PITPNM3: variants seen among roughly 807,000 people sequenced by gnomAD.
PITPNM3 encodes PITPNM family member 3, also known as membrane-associated phosphatidylinositol transfer protein 3.
In PITPNM3, 26 loss-of-function variants were observed where a neutral mutation model predicts 102.0. The ratio of observed to expected loss-of-function variants is 0.25; its 90% CI spans 0.19 to 0.35. PITPNM3 has a LOEUF of 0.35. Ranked by LOEUF, PITPNM3 falls within the 10% of genes least tolerant of loss-of-function variation. The pLI, the probability that PITPNM3 is intolerant of heterozygous loss-of-function variation, is 1.00. For missense variants in PITPNM3, 1,083 were observed against 1,346.1 expected, an observed-to-expected ratio of 0.80 and a Z score of 3.06; for synonymous variants, 578 against 558.6, an observed-to-expected ratio of 1.03 and a Z score of -0.49.
At chr17:6,500,137 C>T (rs1480165666) in intron 4 of PITPNM3, among the ~76,000 whole-genome samples, 1 of 152,176 alleles carries the variant, frequency 6.6e-6, no homozygotes, top group Admixed American at 6.5e-5. Context: ...GAGTGTCAAA[C>T]CCAGGCCTTT....
At position 6,537,034 on chromosome 17, in the gene PITPNM3, G is replaced by A. The variant is rs1909474233; in HGVS notation, c.118+953C>T. Among the ~76,000 whole-genome samples, 1 of 152,144 alleles carries A rather than the reference G, an allele frequency of 6.6e-6. No homozygotes were observed. On this transcript the variant is annotated intron_variant, in intron 2 of 19. Coordinates refer to ENST00000262483, the MANE Select transcript of PITPNM3 (RefSeq NM_031220.4). The surrounding 1 kb of genome is among the most constrained non-coding windows in gnomAD (Gnocchi z 4.4). ...CACCTGCCTGGGTACTCGTGCCTCT[G>A]AGCCTTCAAGGCTGATCTCTGCCTG...
chr17:6,499,922 G>A (rs896224392), intron 4 of PITPNM3, among the ~76,000 whole-genome samples: 5 of 152,048 alleles, frequency 3.3e-5, no homozygotes, highest in Admixed American at 6.6e-5. Flanking sequence ...GTAGAGATGC[G>A]GCTTCACCGT....
intron 9 of PITPNM3, 120 bp from the exon 10 acceptor site, chr17:6,474,724 G>C (rs1255748680): frequency 7.8e-7 from 1 of 1,278,602 alleles, no homozygotes; most frequent in African/African-American, 1.5e-5. Flanking sequence ...CCATCTCTGG[G>C]GCGGGGCTGA....
In PITPNM3 at chr17:6,477,065, C is replaced by G. The variant is rs766885445; in HGVS notation, c.1049G>C (p.Cys350Ser). The G allele has an allele frequency of 6.2e-7, 1 of 1,614,188 alleles. No homozygotes were observed. The highest frequency in any genetic ancestry group is 1.3e-5 in the African/African-American group (1 of 75,036). The change falls in exon 9 of 20, where the codon TGC becomes TCC. Residue 350 changes from cysteine to serine, a missense_variant. By Grantham distance (112) the Cys-to-Ser change is moderately radical. Coordinates refer to ENST00000262483, the MANE Select transcript of PITPNM3 (RefSeq NM_031220.4). Reference sequence around the variant, plus strand: ...GGCATGGTGCTGGGTGATGGCCTCGCAGTCATAGGTGGAGGAGTCGCTCTG... The same window carrying G: ...GGCATGGTGCTGGGTGATGGCCTCGGAGTCATAGGTGGAGGAGTCGCTCTG... ...RKQSDSSTYD[C>S]EAITQHHAFL...
chr17:6,542,123 T>C (rs989076381), intron 1 of PITPNM3, among the ~76,000 whole-genome samples: 1 of 152,198 alleles, frequency 6.6e-6, no homozygotes, highest in Non-Finnish European at 1.5e-5. Flanking sequence ...TCTGGCCAGC[T>C]GGGCAAGGGG....
intron 8 of PITPNM3, 84 bp downstream of exon 8, chr17:6,477,891 G>A (rs781168739): frequency 7.4e-5 from 118 of 1,591,642 alleles, no homozygotes; most frequent in Non-Finnish European, 9.0e-5. Context: ...TGGTGCCAAC[G>A]TGAAGAACCA....
At position 6,478,121 on chromosome 17, in the gene PITPNM3, G is replaced by T; in HGVS notation, c.778-24C>A. 6.2e-7 allele frequency: 1 copy of T among 1,612,074 alleles called. No individual in the cohort carries two copies. On this transcript the variant is annotated intron_variant, in intron 7 of 19. Transcript: ENST00000262483. The surrounding 1 kb of genome is among the most constrained non-coding windows in gnomAD (Gnocchi z 4.4). ...ACCTGGAAGAGATGCAGCTGGGACT[G>T]CAGGCCTGCCCACTGCTGACCCCTC...
intron 2 of PITPNM3, among the ~76,000 whole-genome samples, chr17:6,535,801 T>C (rs1909383647): frequency 2.0e-5 from 3 of 151,828 alleles, no homozygotes; most frequent in East Asian, 3.9e-4. Flanking sequence ...TGCCTGCCTG[T>C]AATCCCAGCA....
chr17:6,468,465 GC>G lies in PITPNM3; in HGVS notation c.1774-125del, dbSNP rs1904898767. 2 of 942,340 alleles carry G rather than the reference GC, an allele frequency of 2.1e-6. No individual in the cohort carries two copies. The highest frequency in any genetic ancestry group is 4.8e-5 in the East Asian group (2 of 41,340). 58.4% of individuals were successfully genotyped at this position (942,340 alleles called of 1,614,324 possible). On this transcript the variant is annotated intron_variant, in intron 13 of 19. Transcript: ENST00000262483. This position sits in a 1 kb window ranked among gnomAD's most constrained non-coding sequence, Gnocchi z 5.2. ...GCCCCTGCAACCCCCCAACCTCACA[GC>G]CTGGAACCGTCAGGAGGCCGCAGAC...
chr17:6,522,047 G>A (rs1282249424), intron 3 of PITPNM3, among the ~76,000 whole-genome samples: 1 of 152,102 alleles, frequency 6.6e-6, no homozygotes, highest in Non-Finnish European at 1.5e-5. Flanking sequence ...TGGGTGTAGG[G>A]TCTAAATTTA....
intron 3 of PITPNM3, among the ~76,000 whole-genome samples, chr17:6,521,936 A>C (rs1235564541): frequency 1.3e-5 from 2 of 152,192 alleles, no homozygotes; most frequent in Non-Finnish European, 2.9e-5. Flanking sequence ...AGGAACTTAC[A>C]AAAAGAACCT....
chr17:6,547,561 C>T lies in PITPNM3; in HGVS notation c.22+8824G>A, dbSNP rs568046565. Among the ~76,000 whole-genome samples, 3 of 152,194 alleles carry T rather than the reference C, an allele frequency of 2.0e-5. No homozygotes were observed. The East Asian group carries it at 5.8e-4, about 30-fold the overall frequency. On this transcript the variant is annotated intron_variant, in intron 1 of 19. Coordinates refer to ENST00000262483, the MANE Select transcript of PITPNM3 (RefSeq NM_031220.4). ...AACAGGCTCTGCCACCTGCAGGCTC[C>T]CCAGGAGGGCAGCCCGAAAGACAGG...
chr17:6,492,173 C>T (rs1027665978), intron 4 of PITPNM3, among the ~76,000 whole-genome samples: 10 of 150,250 alleles, frequency 6.7e-5, no homozygotes, highest in Non-Finnish European at 1.5e-4. Context: ...CAGCAATTCT[C>T]TTGCCTCAGC....
intron 1 of PITPNM3, among the ~76,000 whole-genome samples, chr17:6,544,697 C>T (rs2150673961): frequency 6.6e-6 from 1 of 151,500 alleles, no homozygotes; most frequent in South Asian, 2.1e-4. Context: ...CATACACATA[C>T]ACGAGAACAG....
intron 3 of PITPNM3, among the ~76,000 whole-genome samples, chr17:6,513,004 C>T (rs1402380525): frequency 6.6e-6 from 1 of 150,948 alleles, no homozygotes; most frequent in East Asian, 1.9e-4. Context: ...GAAAATCAAT[C>T]GATGTAACGT....
intron 4 of PITPNM3, among the ~76,000 whole-genome samples, chr17:6,484,855 C>A (rs1426932808): frequency 6.6e-6 from 1 of 152,214 alleles, no homozygotes; most frequent in Non-Finnish European, 1.5e-5. Flanking sequence ...ACCGTGCAGT[C>A]CGTGAGGGTC....
chr17:6,467,042 G>A (rs151213336), intron 14 of PITPNM3, among the ~76,000 whole-genome samples: 1,388 of 120,846 alleles, frequency 0.011, 15 homozygotes, highest in Non-Finnish European at 0.017. Context: ...CAGCCTGGGC[G>A]ACAGAACAAG....
chr17:6,473,853 T>C (rs755946491), intron 10 of PITPNM3, among the ~76,000 whole-genome samples: 5 of 151,770 alleles, frequency 3.3e-5, no homozygotes, highest in Non-Finnish European at 7.4e-5. Flanking sequence ...GGTGGGTGCC[T>C]GTACTTCAAG....
rs1905757845 is a variant in PITPNM3, at chr17:6,482,038, CTGTCTCTCTCTCTCTCTCTCTCTCTCTG to C, written c.587+1451_587+1478del. Among the ~76,000 whole-genome samples the C allele has an allele frequency of 4.3e-4, 32 of 74,840 alleles. 1 individual carries two copies. Among genetic ancestry groups the C allele is most frequent in the East Asian group, 8.0e-4 (2 of 2,494 alleles). 49.1% of individuals were successfully genotyped at this position (74,840 alleles called of 152,430 possible). ...TCTCTCTCTCTCTCTCTCTCTCTGT[CTGTCTCTCTCTCTCTCTCTCTCTCTCTG>C]TCTCTCTCTCTCTCTCTCTCTGACA... On this transcript the variant is annotated intron_variant, in intron 6 of 19. Coordinates refer to ENST00000262483, the MANE Select transcript of PITPNM3 (RefSeq NM_031220.4).
Sources: allele counts gnomAD v4.1 joint callset (sites outside exome capture counted in the v4.1 genomes callset), GRCh38; gene constraint gnomAD v4.1.1; non-coding constraint Gnocchi (gnomAD v3.1); transcripts MANE v1.5; gene names NCBI Gene and HGNC (gene_info 2026-07-23, HGNC 2026-07-21).